Variants in LYPD5 observed in about 807,000 individuals in gnomAD.
LYPD5 encodes ly6/PLAUR domain-containing protein 5.
LYPD5 carries 21 observed loss-of-function variants against 19.1 expected under a neutral mutation model. That is an observed-to-expected ratio of 1.10 (90% CI 0.78 to 1.58). LYPD5 has a LOEUF of 1.58. Ranked by LOEUF, LYPD5 falls within the 40% of genes most tolerant of loss-of-function variation. The pLI, the probability that LYPD5 is intolerant of heterozygous loss-of-function variation, is 0.00. For missense variants in LYPD5, 287 were observed against 329.8 expected, an observed-to-expected ratio of 0.87 and a Z score of 1.00; for synonymous variants, 128 against 142.7, an observed-to-expected ratio of 0.90 and a Z score of 0.74.
At position 43,819,415 on chromosome 19, in the gene LYPD5, G is replaced by T. The variant is rs549440906; in HGVS notation, c.-66+1125C>A. Among the ~76,000 whole-genome samples, 8 of 151,932 alleles carry T rather than the reference G, an allele frequency of 5.3e-5. No individual in the cohort carries two copies. In the East Asian group the frequency reaches 1.5e-3, roughly 29 times the overall value. ...GTCTCCTGCCTCAGCCTCCCGAGGG[G>T]TCTAGGAGATTAGTGATTATTAGTT... On this transcript the variant is annotated intron_variant, in intron 1 of 4. Coordinates refer to the LYPD5 transcript ENST00000414615.
intron 1 of LYPD5, among the ~76,000 whole-genome samples, chr19:43,810,844 G>A (rs7252847): frequency 0.099 from 15,049 of 151,636 alleles, 885 homozygotes; most frequent in Non-Finnish European, 0.13. Context: ...TGGCCAGGCT[G>A]GTCTTGAACT....
intron 1 of LYPD5, among the ~76,000 whole-genome samples, chr19:43,807,653 AG>A (rs1421226593): frequency 6.6e-6 from 1 of 152,172 alleles, no homozygotes; most frequent in Non-Finnish European, 1.5e-5. Flanking sequence ...CTCTCCTGGG[AG>A]GCAGATTGTG....
At chr19:43,817,445 C>T (rs753136137) in intron 1 of LYPD5, among the ~76,000 whole-genome samples, 2 of 152,120 alleles carry the variant, frequency 1.3e-5, no homozygotes, top group African/African-American at 2.4e-5. Context: ...TTGACTCCAC[C>T]TTTGAAGGGA....
intron 2 of LYPD5, 59 bp downstream of exon 2, chr19:43,799,647 C>T: frequency 6.5e-7 from 1 of 1,539,854 alleles, no homozygotes; most frequent in South Asian, 1.2e-5. Context: ...TTCTGCTCCC[C>T]TCTCCCCCCT....
At chr19:43,812,260 G>A (rs1283069156) in intron 1 of LYPD5, among the ~76,000 whole-genome samples, 1 of 152,114 alleles carries the variant, frequency 6.6e-6, no homozygotes, top group Non-Finnish European at 1.5e-5. Flanking sequence ...AGTCACCAGG[G>A]TATCCCAGAG....
upstream of LYPD5, among the ~76,000 whole-genome samples, chr19:43,805,177 G>T (rs1970260650): frequency 6.6e-6 from 1 of 151,976 alleles, no homozygotes; most frequent in Non-Finnish European, 1.5e-5. Flanking sequence ...GCAAACATCT[G>T]GCCTCTCAAA....
intron 1 of LYPD5, among the ~76,000 whole-genome samples, chr19:43,817,992 G>T (rs1970387416): frequency 6.6e-6 from 1 of 152,160 alleles, no homozygotes; most frequent in Non-Finnish European, 1.5e-5. Flanking sequence ...GGGATTACAG[G>T]CATGAACTAC....
At chr19:43,811,600 G>A (rs1399714414) in intron 1 of LYPD5, among the ~76,000 whole-genome samples, 1 of 152,064 alleles carries the variant, frequency 6.6e-6, no homozygotes, top group Non-Finnish European at 1.5e-5. Flanking sequence ...GCAGGAGAAT[G>A]GCTTGGACCT....
chr19:43,800,756 G>T (rs1271275597), intron 1 of LYPD5, among the ~76,000 whole-genome samples: 1 of 151,950 alleles, frequency 6.6e-6, no homozygotes, highest in Non-Finnish European at 1.5e-5. Flanking sequence ...GAACTCGGGA[G>T]TTAGAGACCA....
chr19:43,803,197 G>A (rs1970243574), upstream of LYPD5, among the ~76,000 whole-genome samples: 3 of 151,748 alleles, frequency 2.0e-5, no homozygotes, highest in Admixed American at 1.3e-4. Flanking sequence ...GGGACACCCC[G>A]ATAGACACGA....
intron 1 of LYPD5, among the ~76,000 whole-genome samples, chr19:43,812,378 A>ATCTATCTATC (rs1568406587): frequency 3.1e-3 from 172 of 54,962 alleles, no homozygotes; most frequent in African/African-American, 0.01. Flanking sequence ...TCTATCTATC[A>ATCTATCTATC]ATCTATCATC....
intron 3 of LYPD5, 63 bp from the exon 4 acceptor site, chr19:43,798,664 G>C: frequency 1.2e-6 from 2 of 1,603,230 alleles, no homozygotes; most frequent in Admixed American, 3.4e-5. Context: ...TGCGGGCTGC[G>C]CACTGCGCCA....
intron 1 of LYPD5, among the ~76,000 whole-genome samples, chr19:43,812,041 T>C (rs533055282): frequency 6.6e-6 from 1 of 152,194 alleles, no homozygotes; most frequent in South Asian, 2.1e-4. Context: ...GGTTGGGTGG[T>C]GGCTGGATGA....
chr19:43,801,015 A>C (rs547240045), intron 1 of LYPD5, among the ~76,000 whole-genome samples: 2 of 144,036 alleles, frequency 1.4e-5, no homozygotes, highest in Non-Finnish European at 3.0e-5. Flanking sequence ...GTATAGACCC[A>C]TGTAACACAG....
At chr19:43,803,160 T>A (rs1176136729), upstream of LYPD5, among the ~76,000 whole-genome samples, 4 of 151,950 alleles carry the variant, frequency 2.6e-5, no homozygotes, top group Admixed American at 6.6e-5. Flanking sequence ...GACTGTGTAG[T>A]CACACAGACA....
chr19:43,817,555 A>G lies in LYPD5; in HGVS notation c.-66+2985T>C, dbSNP rs371468414. On this transcript the variant is annotated intron_variant, in intron 1 of 4. Transcript: ENST00000414615. ...CCACATCCACTAGCTTCAGTCATGC[A>G]GGTTTTTTGCAGGGGCCAAGTGAAA... Among the ~76,000 whole-genome samples the G allele has an allele frequency of 4.6e-5, 7 of 152,252 alleles. No homozygotes were observed. The East Asian group carries it at 1.2e-3, about 25-fold the overall frequency.
intron 1 of LYPD5, among the ~76,000 whole-genome samples, chr19:43,800,312 C>G (rs1365876036): frequency 6.6e-6 from 1 of 152,162 alleles, no homozygotes; most frequent in African/African-American, 2.4e-5. Context: ...CACACAATAA[C>G]AACACATACA....
intron 1 of LYPD5, chr19:43,800,089 A>T: frequency 3.1e-6 from 1 of 322,556 alleles, no homozygotes; most frequent in South Asian, 4.2e-5. Flanking sequence ...CTCTTCCAGG[A>T]AGCCCTCTCC....
chr19:43,798,555 G>T lies in LYPD5; in HGVS notation c.417C>A (p.Ile139=). 6.2e-7 allele frequency: 1 copy of T among 1,611,716 alleles called. No homozygotes were observed. The highest frequency in any genetic ancestry group is 8.5e-7 in the Non-Finnish European group (1 of 1,180,038). ...TLSGAECYAC[I]GVHQDDCAIG... ...TAGCGCAGTCATCCTGGTGGACCCC[G>T]ATACAGGCGTAGCACTCGGCGCCGC... Residue 139 remains isoleucine (I), a synonymous_variant, in exon 4 of 5, where the codon ATC becomes ATA. Coordinates refer to ENST00000377950, the MANE Select transcript of LYPD5 (RefSeq NM_001031749.3).
Sources: allele counts gnomAD v4.1 joint callset (sites outside exome capture counted in the v4.1 genomes callset), GRCh38; gene constraint gnomAD v4.1.1; transcripts MANE v1.5; gene names NCBI Gene and HGNC (gene_info 2026-07-23, HGNC 2026-07-21).